DENND1C: variants seen among roughly 807,000 people sequenced by gnomAD.
DENND1C encodes the protein DENN domain containing 1C.
DENND1C carries 64 observed loss-of-function variants against 87.9 expected under a neutral mutation model. The ratio of observed to expected loss-of-function variants is 0.73; its 90% CI spans 0.60 to 0.90. DENND1C has a LOEUF of 0.90. DENND1C is among the 40% of genes least tolerant of loss of function. The pLI, the probability that DENND1C is intolerant of heterozygous loss-of-function variation, is 0.00. For missense variants in DENND1C, 980 were observed against 1,037.0 expected (o/e 0.95, Z 0.76); for synonymous variants, 384 against 424.4 (o/e 0.90, Z 1.17).
Position 6,480,064 on chromosome 19 carries a change from G to T in DENND1C, c.18-13C>A, listed in dbSNP as rs749651685. Reference sequence around the variant, plus strand: ...AGGGGAGCCCCCTCTGTGGGATGCAGAAGGGGTCCAGAGACTTGCTTCTAT... The same window carrying T: ...AGGGGAGCCCCCTCTGTGGGATGCATAAGGGGTCCAGAGACTTGCTTCTAT... On this transcript the variant is annotated splice_polypyrimidine_tract_variant and intron_variant, in intron 1 of 22. Coordinates refer to ENST00000381480, the MANE Select transcript of DENND1C (RefSeq NM_024898.4). The T allele has an allele frequency of 2.5e-5, 40 of 1,601,904 alleles. No homozygotes were observed. Among genetic ancestry groups the T allele is most frequent in the Non-Finnish European group, 3.1e-5 (37 of 1,175,240 alleles).
chr19:6,480,341 G>A, intron 1 of DENND1C: 1 of 1,351,758 alleles, frequency 7.4e-7, no homozygotes, highest in South Asian at 1.6e-5. Context: ...CAGTGTGTGT[G>A]TGATCCTGTC....
chr19:6,480,340 T>A (rs1268537787), intron 1 of DENND1C: 13 of 1,351,560 alleles, frequency 9.6e-6, no homozygotes, highest in Non-Finnish European at 5.7e-6. Context: ...GCAGTGTGTG[T>A]GTGATCCTGT....
chr19:6,469,953 C>G (rs2145177634), intron 18 of DENND1C: 1 of 470,018 alleles, frequency 2.1e-6, no homozygotes, highest in East Asian at 3.6e-5. Flanking sequence ...AAATTGGCCC[C>G]AGGAAACTTC....
Position 6,475,849 on chromosome 19 carries a change from A to G in DENND1C, c.767T>C (p.Leu256Pro), listed in dbSNP as rs767881203. Reference protein sequence around the residue: ...VLIPTLPPHLLDYCCAPMPYL... With the variant: ...VLIPTLPPHLPDYCCAPMPYL... ...TGCCCTCGCTCACCAGCAGTAGTCCAGCAGGTGTGGGGGCAGCGTGGGGAT... is the reference window on the plus strand; with the variant it reads ...TGCCCTCGCTCACCAGCAGTAGTCCGGCAGGTGTGGGGGCAGCGTGGGGAT... Residue 256 changes from leucine to proline, a missense_variant, in exon 11 of 23, where the codon CTG becomes CCG. Coordinates refer to ENST00000381480, the MANE Select transcript of DENND1C (RefSeq NM_024898.4). 2 of 1,544,498 alleles carry G rather than the reference A, an allele frequency of 1.3e-6. No individual in the cohort carries two copies. The highest frequency in any genetic ancestry group is 2.4e-5 in the East Asian group (1 of 42,036).
chr19:6,470,753 C>T (rs1159584472), intron 17 of DENND1C, among the ~76,000 whole-genome samples: 2 of 150,988 alleles, frequency 1.3e-5, no homozygotes, highest in Non-Finnish European at 2.9e-5. Flanking sequence ...TCCCGAGTAG[C>T]TGGGACTACA....
chr19:6,468,530 C>T, intron 21 of DENND1C, 48 bp downstream of exon 21: 1 of 1,554,138 alleles, frequency 6.4e-7, no homozygotes, highest in Non-Finnish European at 8.7e-7. Context: ...TCCTCCCCAT[C>T]AGTCCTGGCC....
intron 18 of DENND1C, chr19:6,470,013 A>C (rs1378033046): frequency 4.2e-6 from 2 of 481,842 alleles, no homozygotes. Flanking sequence ...ATCCAAGGAC[A>C]AAAAGAATGT....
chr19:6,475,969 G>T (rs778876072), intron 10 of DENND1C, 32 bp from the exon 11 acceptor site: 4 of 1,516,832 alleles, frequency 2.6e-6, no homozygotes, highest in Non-Finnish European at 2.6e-6. Context: ...TGGAGTCAGG[G>T]CCTGGACCCT....
chr19:6,479,215 G>T (rs2092882343), intron 4 of DENND1C, 159 bp from the exon 5 acceptor site: 1 of 1,067,536 alleles, frequency 9.4e-7, no homozygotes, highest in Non-Finnish European at 1.3e-6. Flanking sequence ...CTGGGTCCCT[G>T]AATCTCTGGG....
intron 10 of DENND1C, 27 bp from the exon 11 acceptor site, chr19:6,475,964 T>A (rs754033918): frequency 2.6e-6 from 4 of 1,530,516 alleles, no homozygotes; most frequent in African/African-American, 1.4e-5. Flanking sequence ...GGGCGTGGAG[T>A]CAGGGCCTGG....
chr19:6,468,521 C>T lies in DENND1C; in HGVS notation c.1583+57G>A, dbSNP rs765481100. 9.6e-6 allele frequency: 15 copies of T among 1,558,584 alleles called. No homozygotes were observed. The Admixed American group carries it at 2.1e-4, about 22-fold the overall frequency. ...GGCTGCTCTGGAGTTTGGGAACCCT[C>T]CTCCCCATCAGTCCTGGCCTCCCAC... On this transcript the variant is annotated intron_variant, in intron 21 of 22. Coordinates refer to ENST00000381480, the MANE Select transcript of DENND1C (RefSeq NM_024898.4).
chr19:6,468,833 G>C lies in DENND1C; in HGVS notation c.1515+13C>G, dbSNP rs370958111. The C allele has an allele frequency of 1.1e-5, 17 of 1,504,252 alleles. No homozygotes were observed. In the African/African-American group the frequency reaches 2.0e-4, roughly 17 times the overall value. 93.2% of individuals were successfully genotyped at this position (1,504,252 alleles called of 1,614,324 possible). On this transcript the variant is annotated intron_variant, in intron 20 of 22. Coordinates refer to ENST00000381480, the MANE Select transcript of DENND1C (RefSeq NM_024898.4). ...AATTCCAGGTGTGTGCATGGGGGGA[G>C]GGGCGCTCTCACCTTTCCAAAGTGC...
Position 6,467,568 on chromosome 19 carries a change from C to T in DENND1C, c.2342G>A (p.Cys781Tyr), listed in dbSNP as rs758366489. The change falls in exon 23 of 23, where the codon TGT becomes TAT. Residue 781 changes from cysteine to tyrosine, a missense_variant. By Grantham distance (194) the Cys-to-Tyr change is radical. Transcript: ENST00000381480. ...CCGGCTGCTGGGCTGGGACTTTTGACAGTTGCTGGTGGGTGTAGCAGGGGA... is the reference window on the plus strand; with the variant it reads ...CCGGCTGCTGGGCTGGGACTTTTGATAGTTGCTGGTGGGTGTAGCAGGGGA... ...LNSPATPTSN[C>Y]QKSQPSSRPR... is the part of the protein sequence containing the mutation. 15 of 1,607,334 alleles carry T rather than the reference C, an allele frequency of 9.3e-6. No homozygotes were observed. Among genetic ancestry groups the T allele is most frequent in the Non-Finnish European group, 1.3e-5 (15 of 1,177,678 alleles).
At chr19:6,479,545 T>C in intron 4 of DENND1C, 124 bp downstream of exon 4, 1 of 1,211,858 alleles carries the variant, frequency 8.3e-7, no homozygotes, top group Non-Finnish European at 1.2e-6. Context: ...AGTGTCTGAG[T>C]CTCTGAGTCT....
At position 6,468,957 on chromosome 19, in the gene DENND1C, GGAAGA is replaced by G; in HGVS notation, c.1408-9_1408-5del. On this transcript the variant is annotated splice_region_variant and splice_polypyrimidine_tract_variant and intron_variant, in intron 19 of 22. Transcript: ENST00000381480. The stretch of plus-strand genomic sequence containing the variant: ...TCTGCAGGACAGAGTCCCCATCCTA[GGAAGA>G]GAAGAGTGAACTGGGAACCTCTGCC... 3.6e-6 allele frequency: 5 copies of G among 1,401,086 alleles called. No homozygotes were observed. The highest frequency in any genetic ancestry group is 4.6e-6 in the Non-Finnish European group (5 of 1,076,862). 86.8% of individuals were successfully genotyped at this position (1,401,086 alleles called of 1,614,324 possible).
intron 1 of DENND1C, chr19:6,480,561 C>CCTATCCATCCACCCACCTAT (rs1913496891): frequency 2.1e-4 from 26 of 124,942 alleles, no homozygotes; most frequent in African/African-American, 8.5e-4. Context: ...CACCCACCCA[C>CCTATCCATCCACCCACCTAT]CTATCTATCT....
At chr19:6,468,534 C>G (rs1199645755) in intron 21 of DENND1C, 44 bp downstream of exon 21, 3 of 1,556,178 alleles carry the variant, frequency 1.9e-6, no homozygotes, top group Non-Finnish European at 2.6e-6. Context: ...CCCCATCAGT[C>G]CTGGCCTCCC....
chr19:6,470,498 A>ACTACGATCATGT, intron 17 of DENND1C, 132 bp from the exon 18 acceptor site: 1 of 825,994 alleles, frequency 1.2e-6, no homozygotes, highest in Non-Finnish European at 2.0e-6. Flanking sequence ...AATGAACATG[A>ACTACGATCATGT]TCGTAGTCAT....
intron 10 of DENND1C, 150 bp downstream of exon 10, chr19:6,476,707 A>C: frequency 1.3e-6 from 1 of 775,064 alleles, no homozygotes; most frequent in South Asian, 1.9e-5. Context: ...GCCAGAGTTC[A>C]ACTCTCCAAG....
Sources: allele counts gnomAD v4.1 joint callset (sites outside exome capture counted in the v4.1 genomes callset), GRCh38; gene constraint gnomAD v4.1.1; transcripts MANE v1.5; gene names NCBI Gene and HGNC (gene_info 2026-07-23, HGNC 2026-07-21).